The following PLD5 variants were observed in gnomAD, a reference collection of about 807,000 sequenced individuals.
PLD5 encodes the protein phospholipase D family member 5, also known as inactive phospholipase D5.
Under a neutral mutation model 61.1 loss-of-function variants are expected in PLD5, and 36 were observed. The observed-to-expected ratio is 0.59, with a 90% CI of 0.45 to 0.78. The LOEUF (loss-of-function observed/expected upper bound fraction) is 0.78, where lower values mean the gene tolerates loss of function less well. Ranked by LOEUF, PLD5 falls within the 30% of genes least tolerant of loss-of-function variation. PLD5 has a pLI of 0.00. For missense variants in PLD5, 515 were observed against 644.4 expected (o/e 0.80, Z 2.17); for synonymous variants, 243 against 242.8 (o/e 1.00, Z -0.01).
At chr1:242,240,707 G>A (rs1318091225) in intron 4 of PLD5, among the ~76,000 whole-genome samples, 1 of 152,140 alleles carries the variant, frequency 6.6e-6, no homozygotes, top group Non-Finnish European at 1.5e-5. Context: ...TATTTTCAAG[G>A]TGAGGGTGGA....
rs531887284 is a variant in PLD5, at chr1:242,238,911, C to T, written c.608-18796G>A. ...TGTGAAGGTTCTGCCCTGGTATCCT[C>T]TGTCTGGGTACTTAACTCACTGGAA... On this transcript the variant is annotated intron_variant, in intron 4 of 9. Coordinates refer to ENST00000536534, the MANE Select transcript of PLD5 (RefSeq NM_001372062.1). 3.9e-5 allele frequency among the ~76,000 whole-genome samples: 6 copies of T among 152,244 alleles called. No individual in the cohort carries two copies. The East Asian group carries it at 7.8e-4, about 20-fold the overall frequency.
At chr1:242,145,619 A>AG (rs1354245006) in intron 5 of PLD5, among the ~76,000 whole-genome samples, 2 of 152,170 alleles carry the variant, frequency 1.3e-5, no homozygotes, top group African/African-American at 4.8e-5. Context: ...TTAAAAATGG[A>AG]GGACAATTTC....
At chr1:242,331,891 C>T (rs1387373177) in intron 2 of PLD5, among the ~76,000 whole-genome samples, 12 of 152,062 alleles carry the variant, frequency 7.9e-5, no homozygotes, top group Admixed American at 7.9e-4. Context: ...CTTAGCAATG[C>T]CTTTTATTAT....
chr1:242,120,356 T>C (rs533818779), intron 6 of PLD5, among the ~76,000 whole-genome samples: 1 of 152,318 alleles, frequency 6.6e-6, no homozygotes, highest in South Asian at 2.1e-4. Context: ...TTTCACCATG[T>C]TGGCAAGGTT....
At chr1:242,342,848 T>C (rs945440033) in intron 2 of PLD5, among the ~76,000 whole-genome samples, 10 of 152,174 alleles carry the variant, frequency 6.6e-5, no homozygotes, top group Admixed American at 2.0e-4. Flanking sequence ...TTAGAGCCTT[T>C]GATATTTTGT....
At chr1:242,280,632 G>C (rs1272551211) in intron 3 of PLD5, among the ~76,000 whole-genome samples, 1 of 152,004 alleles carries the variant, frequency 6.6e-6, no homozygotes. Flanking sequence ...CTTACAATAG[G>C]CTCAAAGAAT....
At chr1:242,235,070 C>T (rs1227481354) in intron 4 of PLD5, among the ~76,000 whole-genome samples, 1 of 152,176 alleles carries the variant, frequency 6.6e-6, no homozygotes, top group African/African-American at 2.4e-5. Context: ...TAGATTGAAG[C>T]ACCTGCGTGA....
chr1:242,091,199 T>C (rs1203893394), intron 9 of PLD5, among the ~76,000 whole-genome samples: 1 of 152,214 alleles, frequency 6.6e-6, no homozygotes, highest in Non-Finnish European at 1.5e-5. Flanking sequence ...TCTCTAAAGA[T>C]CCTGTCTCTC....
At chr1:242,226,314 A>G (rs766118106) in intron 4 of PLD5, among the ~76,000 whole-genome samples, 24 of 152,264 alleles carry the variant, frequency 1.6e-4, no homozygotes, top group Admixed American at 3.3e-4. Flanking sequence ...ACGCGTCAGG[A>G]CCATGGCCTA....
chr1:242,292,564 C>T (rs1675430425), intron 2 of PLD5, among the ~76,000 whole-genome samples: 1 of 152,160 alleles, frequency 6.6e-6, no homozygotes, highest in African/African-American at 2.4e-5. Context: ...ACCAGGTGTT[C>T]TTAAACTTGG....
At chr1:242,387,901 A>G (rs1662693789) in intron 1 of PLD5, among the ~76,000 whole-genome samples, 1 of 152,136 alleles carries the variant, frequency 6.6e-6, no homozygotes, top group Non-Finnish European at 1.5e-5. Flanking sequence ...CTGAAAAGGT[A>G]AGGTTTGGTC....
chr1:242,184,045 G>T (rs1395183702), intron 5 of PLD5, among the ~76,000 whole-genome samples: 1 of 152,138 alleles, frequency 6.6e-6, no homozygotes, highest in Non-Finnish European at 1.5e-5. Flanking sequence ...CATTCCCACA[G>T]TTACGCACTA....
intron 1 of PLD5, among the ~76,000 whole-genome samples, chr1:242,456,532 T>A (rs1265557406): frequency 6.6e-6 from 1 of 152,184 alleles, no homozygotes; most frequent in Non-Finnish European, 1.5e-5. Context: ...ACCTGCAGGC[T>A]GAGTGCGCAA....
At chr1:242,491,872 C>A (rs570295709) in intron 1 of PLD5, among the ~76,000 whole-genome samples, 133 of 152,322 alleles carry the variant, frequency 8.7e-4, no homozygotes, top group Middle Eastern at 6.8e-3. Flanking sequence ...ACATTTGGCT[C>A]ATTTATCCCT....
intron 5 of PLD5, among the ~76,000 whole-genome samples, chr1:242,184,531 GTTAAT>G (rs1489915630): frequency 6.6e-6 from 1 of 152,112 alleles, no homozygotes; most frequent in Non-Finnish European, 1.5e-5. Flanking sequence ...GCAACGCCTG[GTTAAT>G]TTTTGTATTT....
intron 7 of PLD5, among the ~76,000 whole-genome samples, chr1:242,109,720 G>T (rs1381507171): frequency 2.0e-5 from 3 of 151,892 alleles, no homozygotes; most frequent in African/African-American, 7.3e-5. Context: ...TTTTTTTCAA[G>T]AAATTTTTGT....
chr1:242,502,198 A>T (rs1313768044), intron 1 of PLD5, among the ~76,000 whole-genome samples: 1 of 152,118 alleles, frequency 6.6e-6, no homozygotes, highest in Non-Finnish European at 1.5e-5. Context: ...AGAACCTCAA[A>T]CTTAACATAT....
At chr1:242,115,401 C>A (rs138054780) in intron 6 of PLD5, among the ~76,000 whole-genome samples, 66 of 152,206 alleles carry the variant, frequency 4.3e-4, no homozygotes, top group Non-Finnish European at 7.8e-4. Context: ...TTCCCCACCC[C>A]CTCTTTCCCC....
chr1:242,319,823 T>C (rs1431366951), intron 2 of PLD5, among the ~76,000 whole-genome samples: 5 of 152,250 alleles, frequency 3.3e-5, no homozygotes, highest in Admixed American at 6.5e-5. Context: ...GTTGAATGCG[T>C]ATGTGACTAT....
Sources: gnomAD v4.1 joint callset for allele counts (sites outside exome capture counted in the v4.1 genomes callset) on GRCh38, gnomAD v4.1.1 for gene constraint, MANE v1.5 for transcripts, NCBI Gene and HGNC (gene_info 2026-07-23, HGNC 2026-07-21) for gene names.